The following CACNA2D1 variants were observed in gnomAD, a reference collection of about 807,000 sequenced individuals.
CACNA2D1 encodes calcium voltage-gated channel auxiliary subunit alpha2delta 1.
Under a neutral mutation model 171.5 loss-of-function variants are expected in CACNA2D1, and 53 were observed. The ratio of observed to expected loss-of-function variants is 0.31; its 90% confidence interval spans 0.25 to 0.39. CACNA2D1 has a LOEUF of 0.39. CACNA2D1 is among the 10% of genes least tolerant of loss of function. The pLI is 1.00. For missense variants in CACNA2D1, 903 were observed against 1,299.8 expected, an observed-to-expected ratio of 0.69 and a Z score of 4.69; for synonymous variants, 442 against 443.1, an observed-to-expected ratio of 1.00 and a Z score of 0.03.
chr7:82,301,671 ATT>A lies in CACNA2D1; in HGVS notation c.294+33462_294+33463del, dbSNP rs923441453. Reference sequence around the variant, plus strand: ...CAAATATGAATTCTTTTTTAAATAAATTTTCTTACATAAATAAGGGATGTTTG... The same window carrying A: ...CAAATATGAATTCTTTTTTAAATAAATTCTTACATAAATAAGGGATGTTTG... On this transcript the variant is annotated intron_variant, in intron 3 of 38. Transcript: ENST00000356860. Among the ~76,000 whole-genome samples the A allele has an allele frequency of 1.6e-4, 25 of 151,716 alleles. 1 individual carries two copies. The highest frequency in any genetic ancestry group is 2.9e-5 in the Non-Finnish European group (2 of 67,978).
At chr7:82,059,894 G>T (rs1460211891) in intron 10 of CACNA2D1, among the ~76,000 whole-genome samples, 10 of 138,770 alleles carry the variant, frequency 7.2e-5, no homozygotes, top group Non-Finnish European at 1.4e-4. Flanking sequence ...ACTATCGCAA[G>T]GACAAAAAAC....
At chr7:82,086,340 T>A (rs76702444) in intron 6 of CACNA2D1, among the ~76,000 whole-genome samples, 154 of 152,300 alleles carry the variant, frequency 1.0e-3, no homozygotes, top group Admixed American at 2.6e-3. Flanking sequence ...GGGACCAGCA[T>A]GCTAAAGCAG....
chr7:82,275,181 TTATTAGTGATA>T (rs146576784), intron 3 of CACNA2D1, among the ~76,000 whole-genome samples: 109,964 of 151,936 alleles, frequency 0.72, 40,767 homozygotes, highest in African/African-American at 0.88. Context: ...TCACTTAAAT[TTATTAGTGATA>T]AAAGATCAAA....
chr7:82,047,161 G>T (rs1186220346), intron 10 of CACNA2D1, among the ~76,000 whole-genome samples: 2 of 152,092 alleles, frequency 1.3e-5, no homozygotes, highest in African/African-American at 4.8e-5. Context: ...AAAATGGGCA[G>T]CTTTCTTTCC....
intron 38 of CACNA2D1, among the ~76,000 whole-genome samples, chr7:81,951,016 T>C (rs984728068): frequency 2.0e-5 from 3 of 152,088 alleles, no homozygotes; most frequent in Admixed American, 2.0e-4. Flanking sequence ...TGGACCTTCA[T>C]CAAGAATTAA....
chr7:82,067,002 G>A (rs17155803), intron 7 of CACNA2D1, among the ~76,000 whole-genome samples: 2,579 of 152,018 alleles, frequency 0.017, 64 homozygotes, highest in African/African-American at 0.059. Flanking sequence ...ATAACTAAAA[G>A]GTCAGCTATA....
intron 3 of CACNA2D1, among the ~76,000 whole-genome samples, chr7:82,297,390 G>A (rs541963671): frequency 6.6e-6 from 1 of 152,116 alleles, no homozygotes; most frequent in Non-Finnish European, 1.5e-5. Flanking sequence ...CTTCCTTTGT[G>A]GGGGGAGATG....
intron 3 of CACNA2D1, among the ~76,000 whole-genome samples, chr7:82,331,179 C>T (rs1817261302): frequency 1.3e-5 from 2 of 152,010 alleles, no homozygotes; most frequent in African/African-American, 4.8e-5. Context: ...GGTGTCTCTA[C>T]CATAGTATTA....
intron 3 of CACNA2D1, among the ~76,000 whole-genome samples, chr7:82,328,211 T>G (rs1471968105): frequency 6.6e-6 from 1 of 152,184 alleles, no homozygotes; most frequent in East Asian, 1.9e-4. Context: ...CCACTCAGAC[T>G]CAAAGGCCTG....
At chr7:82,172,692 C>T (rs566268459) in intron 3 of CACNA2D1, among the ~76,000 whole-genome samples, 2 of 141,614 alleles carry the variant, frequency 1.4e-5, no homozygotes, top group African/African-American at 5.3e-5. Context: ...CCTATCTCAG[C>T]CTCCCAAAGT....
intron 1 of CACNA2D1, among the ~76,000 whole-genome samples, chr7:82,438,682 C>T (rs1830279435): frequency 6.6e-6 from 1 of 152,158 alleles, no homozygotes; most frequent in Non-Finnish European, 1.5e-5. Context: ...GTACTGCTCA[C>T]AGATAGTTCA....
chr7:82,443,819 GAGGCGA>G (rs1000863428), upstream of CACNA2D1: 4 of 763,370 alleles, frequency 5.2e-6, no homozygotes, highest in South Asian at 6.8e-5. Context: ...CCCGATTGCC[GAGGCGA>G]AGGCGGAGGC....
Position 82,243,521 on chromosome 7 carries a change from T to G in CACNA2D1, c.295-72912A>C, listed in dbSNP as rs184130362. Among the ~76,000 whole-genome samples the G allele has an allele frequency of 3.9e-5, 6 of 152,322 alleles. No individual in the cohort carries two copies. The East Asian group carries it at 1.2e-3, about 29-fold the overall frequency. ...TTGTGAGTAGTTAATATTAATCAAT[T>G]TGTTATAAAAGTAACCAACAATGAC... On this transcript the variant is annotated intron_variant, in intron 3 of 38. Coordinates refer to ENST00000356860, the MANE Select transcript of CACNA2D1 (RefSeq NM_000722.4).
At chr7:82,102,833 T>A (rs191146396) in intron 6 of CACNA2D1, among the ~76,000 whole-genome samples, 1 of 152,132 alleles carries the variant, frequency 6.6e-6, no homozygotes, top group East Asian at 1.9e-4. Flanking sequence ...GGGTGCATAA[T>A]CCTATGTGTT....
chr7:82,427,729 T>C (rs1167196598), intron 1 of CACNA2D1, among the ~76,000 whole-genome samples: 1 of 152,190 alleles, frequency 6.6e-6, no homozygotes, highest in Non-Finnish European at 1.5e-5. Flanking sequence ...GCAAGTTCCA[T>C]GAAATAATTA....
At chr7:82,023,897 T>C (rs1215919335) in intron 12 of CACNA2D1, 2 of 151,826 alleles carry the variant, frequency 1.3e-5, no homozygotes, top group Non-Finnish European at 2.9e-5. Context: ...TGATATCTCA[T>C]GTAAGTGGAA....
intron 6 of CACNA2D1, among the ~76,000 whole-genome samples, chr7:82,086,461 A>G (rs1395962815): frequency 1.3e-5 from 2 of 152,144 alleles, no homozygotes; most frequent in African/African-American, 4.8e-5. Flanking sequence ...TCCATCGTGC[A>G]TCTGAGATAC....
chr7:82,013,489 GA>G lies in CACNA2D1; in HGVS notation c.1243del (p.Ser415ProfsTer5). The part of the protein sequence containing the change: ...ENKGYYYEIP[S>X]IGAIRINTQE... Reference sequence around the variant, plus strand: ...AGTATTGATTCTTATTGCACCAATGGAAGGAATTTCATAATAATAACCTGAA... The same window carrying G: ...AGTATTGATTCTTATTGCACCAATGGAGGAATTTCATAATAATAACCTGAA... On this transcript the variant is annotated frameshift_variant, in exon 14 of 39. Coordinates refer to ENST00000356860, the MANE Select transcript of CACNA2D1 (RefSeq NM_000722.4). LOFTEE classifies it high-confidence loss of function. The G allele has an allele frequency of 9.2e-7, 1 of 1,084,728 alleles. No homozygotes were observed. The highest frequency in any genetic ancestry group is 1.3e-6 in the Non-Finnish European group (1 of 779,854). 67.2% of individuals were successfully genotyped at this position (1,084,728 alleles called of 1,614,324 possible).
intron 1 of CACNA2D1, among the ~76,000 whole-genome samples, chr7:82,372,737 G>C (rs1822549258): frequency 6.6e-6 from 1 of 152,032 alleles, no homozygotes; most frequent in Non-Finnish European, 1.5e-5. Flanking sequence ...CAAAATACAT[G>C]ATATCACCCT....
Sources: allele counts gnomAD v4.1 joint callset (sites outside exome capture counted in the v4.1 genomes callset), GRCh38; gene constraint gnomAD v4.1.1; transcripts MANE v1.5; gene names NCBI Gene and HGNC (gene_info 2026-07-23, HGNC 2026-07-21).